KLHL20: variants seen among roughly 807,000 people sequenced by gnomAD.
The protein encoded by KLHL20 is kelch like family member 20.
A neutral mutation model predicts 69.5 loss-of-function variants in KLHL20; 29 were observed. The observed-to-expected ratio is 0.42, with a 90% CI of 0.31 to 0.57. The LOEUF is 0.57. Ranked by LOEUF, KLHL20 falls within the 20% of genes least tolerant of loss-of-function variation. The probability of loss-of-function intolerance (pLI) is 0.18; values close to 1 mark genes in which losing one functional copy is unlikely to be tolerated. For missense variants in KLHL20, 419 were observed against 776.0 expected, an observed-to-expected ratio of 0.54 and a Z score of 5.47; for synonymous variants, 253 against 265.2, an observed-to-expected ratio of 0.95 and a Z score of 0.45.
intron 3 of KLHL20, among the ~76,000 whole-genome samples, chr1:173,740,395 C>T (rs760681296): frequency 3.3e-5 from 5 of 151,990 alleles, no homozygotes; most frequent in Admixed American, 6.6e-5. Flanking sequence ...CAAGTGTGAG[C>T]CACCATGCCC....
intron 2 of KLHL20, among the ~76,000 whole-genome samples, chr1:173,718,674 T>C (rs1671575328): frequency 6.6e-6 from 1 of 152,044 alleles, no homozygotes; most frequent in African/African-American, 2.4e-5. Flanking sequence ...GCTGTGGTGA[T>C]CATGCCACTG....
At chr1:173,765,319 C>A (rs1438306114) in intron 7 of KLHL20, among the ~76,000 whole-genome samples, 1 of 151,952 alleles carries the variant, frequency 6.6e-6, no homozygotes, top group East Asian at 1.9e-4. Flanking sequence ...CTGGCTCACA[C>A]GGTGAAACCC....
At position 173,743,996 on chromosome 1, in the gene KLHL20, T is replaced by C. The variant is rs182848469; in HGVS notation, c.598-7768T>C. On this transcript the variant is annotated intron_variant, in intron 3 of 11. Coordinates refer to ENST00000209884, the MANE Select transcript of KLHL20 (RefSeq NM_014458.4). Reference sequence around the variant, plus strand: ...AACATCTTATATGAACATGTCAATATTGTTGGAAGTTTATCTTTAGAATAA... The same window carrying C: ...AACATCTTATATGAACATGTCAATACTGTTGGAAGTTTATCTTTAGAATAA... Among the ~76,000 whole-genome samples the C allele has an allele frequency of 3.9e-5, 6 of 152,270 alleles. No individual in the cohort carries two copies. The East Asian group carries it at 1.2e-3, about 29-fold the overall frequency.
intron 2 of KLHL20, among the ~76,000 whole-genome samples, chr1:173,730,143 C>G (rs1460011193): frequency 6.6e-6 from 1 of 152,084 alleles, no homozygotes; most frequent in Non-Finnish European, 1.5e-5. Context: ...AATAAAATAC[C>G]TAGGAATCCA....
In KLHL20 at chr1:173,782,138, G is replaced by A; in HGVS notation, c.1653G>A (p.Val551=). Residue 551 remains valine (V), a synonymous_variant, in exon 11 of 12, where the codon GTG becomes GTA. Coordinates refer to ENST00000209884, the MANE Select transcript of KLHL20 (RefSeq NM_014458.4). The part of the protein sequence containing the change: ...TSRRSGVGLA[V]VNGQLMAVGG... ...TGGTTTTGTAGGTTGGCCTGGCAGT[G>A]GTCAATGGACAGCTCATGGCAGTAG... The A allele has an allele frequency of 6.2e-7, 1 of 1,613,912 alleles. No individual in the cohort carries two copies. The highest frequency in any genetic ancestry group is 8.5e-7 in the Non-Finnish European group (1 of 1,179,852).
intron 7 of KLHL20, among the ~76,000 whole-genome samples, chr1:173,760,825 C>G (rs1015117863): frequency 6.6e-6 from 1 of 152,080 alleles, no homozygotes; most frequent in Non-Finnish European, 1.5e-5. Context: ...AGCAAAAACA[C>G]AAAACAAAAC....
At chr1:173,715,969 C>G (rs1337094454) in intron 1 of KLHL20, 34 bp from the exon 2 acceptor site, 13 of 1,428,756 alleles carry the variant, frequency 9.1e-6, no homozygotes, top group Admixed American at 7.4e-5. Context: ...TCAGAAATAG[C>G]TTTTATTAAG....
intron 3 of KLHL20, among the ~76,000 whole-genome samples, chr1:173,735,185 C>G (rs1381133796): frequency 6.6e-6 from 1 of 152,228 alleles, no homozygotes; most frequent in Non-Finnish European, 1.5e-5. Flanking sequence ...GTGGCACATG[C>G]CTGTGATCCC....
intron 2 of KLHL20, among the ~76,000 whole-genome samples, chr1:173,724,422 G>A (rs948277834): frequency 3.3e-5 from 5 of 151,998 alleles, no homozygotes; most frequent in Non-Finnish European, 5.9e-5. Flanking sequence ...ATTTTCCACA[G>A]TCTATAGCAA....
At chr1:173,749,204 T>G (rs1013733831) in intron 3 of KLHL20, among the ~76,000 whole-genome samples, 14 of 152,224 alleles carry the variant, frequency 9.2e-5, no homozygotes, top group Admixed American at 9.2e-4. Flanking sequence ...GCTTAATTCA[T>G]ACAGTGTTGC....
At chr1:173,735,838 G>A (rs2102475114) in intron 3 of KLHL20, among the ~76,000 whole-genome samples, 1 of 151,880 alleles carries the variant, frequency 6.6e-6, no homozygotes, top group Non-Finnish European at 1.5e-5. Context: ...ACTTATAAGT[G>A]AGAACATATC....
At chr1:173,777,388 T>G (rs1402881509) in intron 10 of KLHL20, among the ~76,000 whole-genome samples, 2 of 152,228 alleles carry the variant, frequency 1.3e-5, no homozygotes, top group Admixed American at 1.3e-4. Flanking sequence ...CTTTCCAATT[T>G]GGATGCCCTT....
At chr1:173,738,018 C>T (rs922611246) in intron 3 of KLHL20, among the ~76,000 whole-genome samples, 1 of 149,308 alleles carries the variant, frequency 6.7e-6, no homozygotes, top group Admixed American at 6.7e-5. Context: ...CTTGGTTGCT[C>T]TTCGTGTATA....
intron 3 of KLHL20, among the ~76,000 whole-genome samples, chr1:173,740,080 T>G (rs967960864): frequency 1.1e-4 from 16 of 151,924 alleles, no homozygotes; most frequent in Non-Finnish European, 2.1e-4. Flanking sequence ...TTTTTCTGTT[T>G]TATTTCATTT....
intron 3 of KLHL20, among the ~76,000 whole-genome samples, chr1:173,742,660 C>T (rs992707282): frequency 1.3e-4 from 20 of 149,340 alleles, no homozygotes; most frequent in Non-Finnish European, 2.5e-4. Flanking sequence ...TGTATATACA[C>T]GTATGTGTAT....
intron 2 of KLHL20, among the ~76,000 whole-genome samples, chr1:173,719,110 A>AAAAAAAAAAAG (rs888154241): frequency 3.3e-5 from 5 of 151,976 alleles, no homozygotes; most frequent in African/African-American, 7.2e-5. Flanking sequence ...GTCTCAAAAA[A>AAAAAAAAAAAG]AAAAAGAAAA....
intron 5 of KLHL20, among the ~76,000 whole-genome samples, chr1:173,753,683 A>G (rs532531902): frequency 2.0e-5 from 3 of 152,120 alleles, no homozygotes; most frequent in South Asian, 2.1e-4. Context: ...CTTCCATCAC[A>G]TATGTCTGGT....
chr1:173,770,483 A>T (rs929442606), intron 8 of KLHL20, among the ~76,000 whole-genome samples: 2 of 152,148 alleles, frequency 1.3e-5, no homozygotes, highest in South Asian at 2.1e-4. Flanking sequence ...GGAGCATCTG[A>T]GGTCAGGAGT....
At chr1:173,750,791 G>A (rs1167233605) in intron 3 of KLHL20, among the ~76,000 whole-genome samples, 2 of 151,988 alleles carry the variant, frequency 1.3e-5, no homozygotes, top group African/African-American at 4.8e-5. Context: ...GAATTCCTGA[G>A]CTCAAATAGT....
Sources: allele counts gnomAD v4.1 joint callset (sites outside exome capture counted in the v4.1 genomes callset), GRCh38; gene constraint gnomAD v4.1.1; transcripts MANE v1.5; gene names NCBI Gene and HGNC (gene_info 2026-07-23, HGNC 2026-07-21).